SERPINA11: variants seen among roughly 807,000 people sequenced by gnomAD.
SERPINA11 encodes serpin A11.
Under a neutral mutation model 29.4 loss-of-function variants are expected in SERPINA11, and 28 were observed. That is an observed-to-expected ratio of 0.95 (90% CI 0.70 to 1.30). The LOEUF (loss-of-function observed/expected upper bound fraction) is 1.30, where lower values mean the gene tolerates loss of function less well. SERPINA11 is among the 50% of genes most tolerant of loss of function. SERPINA11 has a pLI of 0.00. For missense variants in SERPINA11, 530 were observed against 507.3 expected, an observed-to-expected ratio of 1.04 and a Z score of -0.43; for synonymous variants, 253 against 206.6, an observed-to-expected ratio of 1.22 and a Z score of -1.92.
At chr14:94,442,956 G>T in intron 4 of SERPINA11, 122 bp downstream of exon 4, 1 of 1,294,364 alleles carries the variant, frequency 7.7e-7, no homozygotes, top group Non-Finnish European at 1.1e-6. Flanking sequence ...AAAGACTGTG[G>T]TATTAAATAG....
At chr14:94,444,165 G>A (rs1033467293) in intron 3 of SERPINA11, among the ~76,000 whole-genome samples, 3 of 152,164 alleles carry the variant, frequency 2.0e-5, no homozygotes, top group African/African-American at 7.2e-5. Context: ...GCGCCAGTTG[G>A]CTGGGGGGTG....
intron 1 of SERPINA11, among the ~76,000 whole-genome samples, chr14:94,450,099 G>C (rs1898559962): frequency 6.6e-6 from 1 of 152,136 alleles, no homozygotes; most frequent in Admixed American, 6.5e-5. Flanking sequence ...GAGCAACTCT[G>C]TCTCCATGTC....
In SERPINA11 at chr14:94,446,589, G is replaced by A. The variant is rs1898444369; in HGVS notation, c.659C>T (p.Pro220Leu). ...CTTCTGGGTCTGGTAGCGACTGAAA[G>A]GGTGCTTCCACTTGGCTTAGGACAC... is the stretch of plus-strand genomic sequence containing the variant. The part of the protein sequence containing the change: ...YIFFKAKWKH[P>L]FSRYQTQKQE... Residue 220 changes from proline (P) to leucine (L), a missense_variant, in exon 3 of 5, where the codon CCT becomes CTT. Pro to Leu is a moderately conservative substitution (Grantham distance 98). Transcript: ENST00000334708. 1 of 1,613,812 alleles carries A rather than the reference G, an allele frequency of 6.2e-7. No individual in the cohort carries two copies. Among genetic ancestry groups the A allele is most frequent in the Non-Finnish European group, 8.5e-7 (1 of 1,179,870 alleles).
At chr14:94,444,053 C>A (rs1898391491) in intron 3 of SERPINA11, among the ~76,000 whole-genome samples, 1 of 152,120 alleles carries the variant, frequency 6.6e-6, no homozygotes, top group South Asian at 2.1e-4. Context: ...TGGTTTGACT[C>A]CTGGGCAATA....
chr14:94,444,965 C>T (rs920997687), intron 3 of SERPINA11, among the ~76,000 whole-genome samples: 1 of 152,248 alleles, frequency 6.6e-6, no homozygotes, highest in Admixed American at 6.5e-5. Context: ...CTAGGCCTTA[C>T]CAGACTGGTA....
At position 94,443,147 on chromosome 14, in the gene SERPINA11, G is replaced by T. The variant is rs1898375190; in HGVS notation, c.996C>A (p.Leu332=). The T allele has an allele frequency of 6.2e-7, 1 of 1,614,004 alleles. No individual in the cohort carries two copies. Among genetic ancestry groups the T allele is most frequent in the Admixed American group, 1.7e-5 (1 of 60,002 alleles). The change falls in exon 4 of 5, where the codon CTC becomes CTA. Residue 332 remains leucine (L), a synonymous_variant. Coordinates refer to ENST00000334708, the MANE Select transcript of SERPINA11 (RefSeq NM_001080451.2). ...CAGCTTCTAAGTTGAGTATGTTGGT[G>T]AGACCAATTTGGGGAAGTATGTCTT... ...NLEDILPQIG[L]TNILNLEADF...
chr14:94,450,487 G>C (rs1344220363), intron 1 of SERPINA11, among the ~76,000 whole-genome samples: 1 of 152,160 alleles, frequency 6.6e-6, no homozygotes, highest in Non-Finnish European at 1.5e-5. Flanking sequence ...CAGCAAACTA[G>C]GAGAGAGGCA....
chr14:94,449,425 CTTTCTT>C (rs1898527422), intron 1 of SERPINA11, among the ~76,000 whole-genome samples: 1 of 90,574 alleles, frequency 1.1e-5, no homozygotes, highest in Non-Finnish European at 2.0e-5. Flanking sequence ...TTCTTTCTTT[CTTTCTT>C]TCTTTCTTTC....
Position 94,448,632 on chromosome 14 carries a change from T to G in SERPINA11, c.143A>C (p.His48Pro). 1 of 1,607,454 alleles carries G rather than the reference T, an allele frequency of 6.2e-7. No homozygotes were observed. ...HQLSEPAPAY[H>P]RITPTITNFA... ...ATTGGTAATGGTGGGTGTGATTCTGTGGTAGGCGGGGGCTGGCTCTGAGAG... is the reference window on the plus strand; with the variant it reads ...ATTGGTAATGGTGGGTGTGATTCTGGGGTAGGCGGGGGCTGGCTCTGAGAG... Residue 48 changes from histidine (H) to proline (P), a missense_variant, in exon 2 of 5, where the codon CAC (histidine) becomes CCC (proline). Physicochemically the swap from His to Pro is moderately conservative, Grantham distance 77. Coordinates refer to ENST00000334708, the MANE Select transcript of SERPINA11 (RefSeq NM_001080451.2).
chr14:94,446,653 A>T lies in SERPINA11; in HGVS notation c.644-49T>A, dbSNP rs778288945. On this transcript the variant is annotated intron_variant, in intron 2 of 4. Transcript: ENST00000334708. ...CCATGAGAACTCTTTTCAAGAGAGC[A>T]ACTCTGGGTAGACACACACAAAACC... 4.5e-6 allele frequency: 7 copies of T among 1,544,622 alleles called. No homozygotes were observed. The Admixed American group carries it at 1.1e-4, about 25-fold the overall frequency.
intron 1 of SERPINA11, among the ~76,000 whole-genome samples, chr14:94,450,447 T>C (rs553033577): frequency 3.9e-5 from 6 of 152,126 alleles, no homozygotes; most frequent in Non-Finnish European, 8.8e-5. Context: ...AGGGTGATGC[T>C]TCTACAAGCC....
At chr14:94,446,179 A>G (rs1267482039) in intron 3 of SERPINA11, 152 bp downstream of exon 3, 10 of 755,358 alleles carry the variant, frequency 1.3e-5, no homozygotes, top group Non-Finnish European at 1.8e-5. Flanking sequence ...GGCCCAAAAA[A>G]GGTGAGAAAA....
Position 94,442,915 on chromosome 14 carries a change from A to G in SERPINA11, c.1066-106T>C, listed in dbSNP as rs138505054. On this transcript the variant is annotated intron_variant, in intron 4 of 4. Transcript: ENST00000334708. ...AGAAGGGACCTAAGGAAGGGGAGGT[A>G]GAGAAGGAAAAGCCCATGAAGAGAT... The G allele has an allele frequency of 3.9e-5, 50 of 1,278,700 alleles. 1 individual carries two copies. In the East Asian group the frequency reaches 1.1e-3, roughly 29 times the overall value. 79.2% of individuals were successfully genotyped at this position (1,278,700 alleles called of 1,614,324 possible).
intron 3 of SERPINA11, among the ~76,000 whole-genome samples, chr14:94,446,069 A>G (rs1422534323): frequency 1.3e-5 from 2 of 152,160 alleles, no homozygotes; most frequent in Non-Finnish European, 2.9e-5. Flanking sequence ...CTTATGCTCC[A>G]CGTACCAGTC....
intron 1 of SERPINA11, among the ~76,000 whole-genome samples, chr14:94,451,812 G>C (rs1367300049): frequency 2.0e-5 from 3 of 152,222 alleles, no homozygotes; most frequent in Non-Finnish European, 4.4e-5. Context: ...CATGCCGAAA[G>C]TACTCAATGG....
chr14:94,446,227 G>T (rs1898434443), intron 3 of SERPINA11, 104 bp downstream of exon 3: 2 of 1,074,552 alleles, frequency 1.9e-6, no homozygotes, highest in South Asian at 1.5e-5. Context: ...ACAAGATGGT[G>T]AGCCTAATCG....
At chr14:94,451,248 A>G (rs1898580583) in intron 1 of SERPINA11, among the ~76,000 whole-genome samples, 1 of 152,220 alleles carries the variant, frequency 6.6e-6, no homozygotes, top group Non-Finnish European at 1.5e-5. Context: ...GCCAGGTGTC[A>G]GGAGGGACGA....
chr14:94,442,852 C>G (rs1319803184), intron 4 of SERPINA11, 43 bp from the exon 5 acceptor site: 1 of 1,505,686 alleles, frequency 6.6e-7, no homozygotes. Context: ...GTTTGGGGGC[C>G]TTCAAGGGGA....
At chr14:94,450,474 G>A (rs28529775) in intron 1 of SERPINA11, among the ~76,000 whole-genome samples, 2,937 of 152,250 alleles carry the variant, frequency 0.019, 100 homozygotes, top group African/African-American at 0.065. Context: ...AGCGAAAGAT[G>A]GCCAGCAAAC....
Sources: gnomAD v4.1 joint callset for allele counts (sites outside exome capture counted in the v4.1 genomes callset) on GRCh38, gnomAD v4.1.1 for gene constraint, MANE v1.5 for transcripts, NCBI Gene and HGNC (gene_info 2026-07-23, HGNC 2026-07-21) for gene names.